Variants in VAV3 observed in about 807,000 individuals in gnomAD.
VAV3 encodes the protein guanine nucleotide exchange factor VAV3.
Under a neutral mutation model 131.2 loss-of-function variants are expected in VAV3, and 94 were observed. The observed-to-expected ratio is 0.72, with a 90% CI of 0.61 to 0.85. VAV3 has a LOEUF of 0.85. Ranked by LOEUF, VAV3 falls within the 40% of genes least tolerant of loss-of-function variation. The pLI, the probability that VAV3 is intolerant of heterozygous loss-of-function variation, is 0.00. For synonymous variants in VAV3, 349 were observed against 342.0 expected, an observed-to-expected ratio of 1.02 and a Z score of -0.22; for missense variants, 939 against 1,002.7, an observed-to-expected ratio of 0.94 and a Z score of 0.86.
Position 107,757,153 on chromosome 1 carries a change from ATGTGTGTGTGTGTGTGTGTG to A in VAV3, c.1086+88_1086+107del, listed in dbSNP as rs34437461. On this transcript the variant is annotated intron_variant, in intron 11 of 26. Transcript: ENST00000370056. ...TGTTTGTGTATATATATGTGTGTAT[ATGTGTGTGTGTGTGTGTGTG>A]TGTGTGTGTGTGTGTATGCAATTTG... is the stretch of plus-strand genomic sequence containing the variant. The A allele has an allele frequency of 4.7e-5, 28 of 593,128 alleles. No individual in the cohort carries two copies. In the African/African-American group the frequency reaches 4.7e-4, roughly 10 times the overall value. 36.7% of individuals were successfully genotyped at this position (593,128 alleles called of 1,614,324 possible).
chr1:107,644,563 A>T (rs1387847005), intron 19 of VAV3, among the ~76,000 whole-genome samples: 1 of 152,120 alleles, frequency 6.6e-6, no homozygotes, highest in Non-Finnish European at 1.5e-5. Flanking sequence ...ACTTCACTGC[A>T]GTTTTCTGTT....
At position 107,895,670 on chromosome 1, in the gene VAV3, T is replaced by C. The variant is rs190167843; in HGVS notation, c.205-20653A>G. On this transcript the variant is annotated intron_variant, in intron 1 of 26. Transcript: ENST00000370056. The stretch of plus-strand genomic sequence containing the variant: ...ACACAGGAAAGAAAAACTGGTATTA[T>C]TGGCCACGTCACTGATTTCTGTACA... Among the ~76,000 whole-genome samples, 120 of 152,318 alleles carry C rather than the reference T, an allele frequency of 7.9e-4. 1 individual carries two copies. The highest frequency in any genetic ancestry group is 2.8e-3 in the African/African-American group (118 of 41,572).
At chr1:107,600,705 A>G (rs1651783134) in intron 24 of VAV3, among the ~76,000 whole-genome samples, 1 of 152,096 alleles carries the variant, frequency 6.6e-6, no homozygotes, top group South Asian at 2.1e-4. Context: ...GAACTCATGT[A>G]TCTATGTCTA....
chr1:107,910,895 G>A (rs1466450735), intron 1 of VAV3, among the ~76,000 whole-genome samples: 2 of 151,928 alleles, frequency 1.3e-5, no homozygotes, highest in South Asian at 2.1e-4. Flanking sequence ...TGGGAGAACC[G>A]CTTAAACCTA....
At chr1:107,703,775 G>A (rs1660277739) in intron 17 of VAV3, among the ~76,000 whole-genome samples, 1 of 152,090 alleles carries the variant, frequency 6.6e-6, no homozygotes, top group South Asian at 2.1e-4. Context: ...CCTTTCTTGT[G>A]TTCAAAAGTT....
At position 107,571,582 on chromosome 1, in the gene VAV3, A is replaced by G. The variant is rs1649262002; in HGVS notation, c.*1749T>C. On this transcript the variant is annotated 3_prime_UTR_variant, in exon 27 of 27. Transcript: ENST00000370056. ...AGTTCGGCTGACGGCAACAGACAAA[A>G]CATTCCCGAGACAGAGTCGCAGATA... The G allele has an allele frequency of 6.6e-6, 1 of 152,606 alleles. No homozygotes were observed. Among genetic ancestry groups the G allele is most frequent in the African/African-American group, 2.4e-5 (1 of 41,450 alleles). 9.5% of individuals were successfully genotyped at this position (152,606 alleles called of 1,614,324 possible).
chr1:107,869,444 A>T (rs781437327), intron 2 of VAV3, among the ~76,000 whole-genome samples: 1 of 152,196 alleles, frequency 6.6e-6, no homozygotes, highest in Non-Finnish European at 1.5e-5. Flanking sequence ...TAACATTAAC[A>T]ATAAGAGTAC....
Position 107,843,538 on chromosome 1 carries a change from TATATATATATATTTATATATATATA to T in VAV3, c.321+31338_321+31362del, listed in dbSNP as rs1032840386. Among the ~76,000 whole-genome samples, 6 of 136,670 alleles carry T rather than the reference TATATATATATATTTATATATATATA, an allele frequency of 4.4e-5. No individual in the cohort carries two copies. In the East Asian group the frequency reaches 1.4e-3, roughly 31 times the overall value. 89.7% of individuals were successfully genotyped at this position (136,670 alleles called of 152,430 possible). On this transcript the variant is annotated intron_variant, in intron 2 of 26. Transcript: ENST00000370056. ...ATGTATGTGTGCGTGTGTGTGTGTG[TATATATATATATTTATATATATATA>T]TATGAGGAAGGTGGTTCAATTCACT... is the stretch of plus-strand genomic sequence containing the variant.
chr1:107,660,063 T>C (rs1248002399), intron 19 of VAV3, among the ~76,000 whole-genome samples: 18 of 152,184 alleles, frequency 1.2e-4, no homozygotes. Context: ...CCTTGGCATC[T>C]AAAAAGTATT....
intron 2 of VAV3, among the ~76,000 whole-genome samples, chr1:107,864,616 CCT>C (rs1557889145): frequency 6.6e-6 from 1 of 152,106 alleles, no homozygotes; most frequent in Non-Finnish European, 1.5e-5. Context: ...AGGGTGAAAC[CCT>C]GTCTCAAAAA....
intron 20 of VAV3, among the ~76,000 whole-genome samples, chr1:107,620,557 A>G (rs936523126): frequency 3.9e-5 from 6 of 152,062 alleles, no homozygotes; most frequent in African/African-American, 1.4e-4. Context: ...TGATGCATTT[A>G]TTAGTATGTA....
intron 9 of VAV3, 138 bp from the exon 10 acceptor site, chr1:107,761,017 G>T: frequency 1.9e-6 from 1 of 512,868 alleles, no homozygotes; most frequent in South Asian, 3.8e-5. Flanking sequence ...ATAACAGAAA[G>T]TATCTTCAAT....
intron 2 of VAV3, among the ~76,000 whole-genome samples, chr1:107,783,759 A>G (rs1021354193): frequency 1.3e-5 from 2 of 152,104 alleles, no homozygotes; most frequent in Non-Finnish European, 2.9e-5. Context: ...GCTTTTAAAA[A>G]TATTTCAGGC....
Position 107,766,488 on chromosome 1 carries a change from A to G in VAV3, c.780T>C (p.Asn260=). 5 of 1,613,540 alleles carry G rather than the reference A, an allele frequency of 3.1e-6. No homozygotes were observed. Among genetic ancestry groups the G allele is most frequent in the Non-Finnish European group, 4.2e-6 (5 of 1,179,728 alleles). Residue 260 remains asparagine, a synonymous_variant, in exon 8 of 27, where the codon AAT becomes AAC. Coordinates refer to ENST00000370056, the MANE Select transcript of VAV3 (RefSeq NM_006113.5). ...QEIHDSIVNK[N]DQNLYQVFIN... ...TAAAAACTTGGTACAAGTTCTGGTC[A>G]TTTTTATTTACAATGGAATCATGAA...
chr1:107,621,763 G>T (rs1342140251), intron 20 of VAV3, among the ~76,000 whole-genome samples: 1 of 151,982 alleles, frequency 6.6e-6, no homozygotes, highest in Non-Finnish European at 1.5e-5. Flanking sequence ...CCTCGTATTT[G>T]TTCTGTAAGT....
chr1:107,622,078 A>C (rs1028127923), intron 20 of VAV3, among the ~76,000 whole-genome samples: 2 of 152,324 alleles, frequency 1.3e-5, no homozygotes, highest in South Asian at 2.1e-4. Context: ...TAATTCATAA[A>C]ATAACAATGC....
chr1:107,706,412 T>A (rs1329967082), intron 15 of VAV3, among the ~76,000 whole-genome samples: 2 of 152,192 alleles, frequency 1.3e-5, no homozygotes, highest in African/African-American at 2.4e-5. Flanking sequence ...ATCTGCTGAA[T>A]ATGAGCGTGC....
chr1:107,923,374 TG>T (rs937882394), intron 1 of VAV3, among the ~76,000 whole-genome samples: 1 of 152,052 alleles, frequency 6.6e-6, no homozygotes, highest in African/African-American at 2.4e-5. Context: ...CTGAAGGTGA[TG>T]GTATTAGGAA....
chr1:107,644,864 C>T (rs1329527948), intron 19 of VAV3, among the ~76,000 whole-genome samples: 1 of 151,376 alleles, frequency 6.6e-6, no homozygotes, highest in Non-Finnish European at 1.5e-5. Context: ...CACCACATGC[C>T]CATAACATGT....
Sources: allele counts gnomAD v4.1 joint callset (sites outside exome capture counted in the v4.1 genomes callset), GRCh38; gene constraint gnomAD v4.1.1; transcripts MANE v1.5; gene names NCBI Gene and HGNC (gene_info 2026-07-23, HGNC 2026-07-21).